The following IKZF1 variants were observed in gnomAD, a reference collection of about 807,000 sequenced individuals.
IKZF1 encodes the protein DNA-binding protein Ikaros.
IKZF1 carries 10 observed loss-of-function variants against 51.7 expected under a neutral mutation model. That is an observed-to-expected ratio of 0.19 (90% CI 0.12 to 0.33). The LOEUF (loss-of-function observed/expected upper bound fraction) is 0.33, where lower values mean the gene tolerates loss of function less well. IKZF1 is among the 10% of genes least tolerant of loss of function. The pLI is 1.00. For synonymous variants in IKZF1, 280 were observed against 282.3 expected, an observed-to-expected ratio of 0.99 and a Z score of 0.08; for missense variants, 484 against 707.5, an observed-to-expected ratio of 0.68 and a Z score of 3.58.
chr7:50,361,334 G>A (rs1339304706), intron 3 of IKZF1, among the ~76,000 whole-genome samples: 2 of 152,084 alleles, frequency 1.3e-5, no homozygotes, highest in African/African-American at 4.8e-5. Context: ...AGTGTCTTTA[G>A]AATCAGCAAA....
rs1818171365 is a variant in IKZF1 at position 50,401,782 on chromosome 7, T to C, written c.*1155T>C. 1 of 221,378 alleles carries C rather than the reference T, an allele frequency of 4.5e-6. No individual in the cohort carries two copies. The highest frequency in any genetic ancestry group is 2.2e-5 in the African/African-American group (1 of 44,714). The allele number at this position is 221,378 out of a possible 1,614,324, so 13.7% of individuals were successfully genotyped here. On this transcript the variant is annotated 3_prime_UTR_variant, in exon 8 of 8. Coordinates refer to ENST00000331340, the MANE Select transcript of IKZF1 (RefSeq NM_006060.6). Reference sequence around the variant, plus strand: ...AGGAGTGATTTAGAACAGTCATTAATTTTCAACTCAATGAAATATGTGAAG... The same window carrying C: ...AGGAGTGATTTAGAACAGTCATTAACTTTCAACTCAATGAAATATGTGAAG...
chr7:50,306,344 G>A (rs1490788985), intron 1 of IKZF1, among the ~76,000 whole-genome samples: 1 of 152,118 alleles, frequency 6.6e-6, no homozygotes, highest in Non-Finnish European at 1.5e-5. Flanking sequence ...GTCAATCAGA[G>A]CTGGTGACCA....
intron 4 of IKZF1, chr7:50,377,327 C>T (rs1250578404): frequency 6.5e-6 from 1 of 154,408 alleles, no homozygotes; most frequent in African/African-American, 2.4e-5. Flanking sequence ...ATGGCTTGCC[C>T]TCTAACAGGA....
At chr7:50,354,593 C>T (rs1802752872) in intron 3 of IKZF1, among the ~76,000 whole-genome samples, 1 of 152,112 alleles carries the variant, frequency 6.6e-6, no homozygotes, top group Non-Finnish European at 1.5e-5. Flanking sequence ...TAAGAGAGAA[C>T]AAAAAGTCAA....
At position 50,354,927 on chromosome 7, in the gene IKZF1, G is replaced by A. The variant is rs536793447; in HGVS notation, c.161-21606G>A. On this transcript the variant is annotated intron_variant, in intron 3 of 7. Coordinates refer to ENST00000331340, the MANE Select transcript of IKZF1 (RefSeq NM_006060.6). ...GACAGCATCAGTACTATGCTTCAGC[G>A]TCAAAAACGTCACTTTGGGTAGGAA... Among the ~76,000 whole-genome samples the A allele has an allele frequency of 7.2e-4, 110 of 152,214 alleles. 1 individual carries two copies. The highest frequency in any genetic ancestry group is 3.1e-3 in the Admixed American group (48 of 15,294).
chr7:50,329,617 C>T (rs1489501139), intron 3 of IKZF1, among the ~76,000 whole-genome samples: 1 of 152,196 alleles, frequency 6.6e-6, no homozygotes, highest in African/African-American at 2.4e-5. Flanking sequence ...CAGGAATAGT[C>T]ATTGGGTGGT....
chr7:50,371,527 T>G (rs1251775560), intron 3 of IKZF1, among the ~76,000 whole-genome samples: 1 of 152,234 alleles, frequency 6.6e-6, no homozygotes. Flanking sequence ...GTCACACAAC[T>G]ACAGGTGGCA....
chr7:50,390,127 G>A (rs775488169), intron 6 of IKZF1, among the ~76,000 whole-genome samples: 4 of 152,198 alleles, frequency 2.6e-5, no homozygotes, highest in Non-Finnish European at 5.9e-5. Flanking sequence ...GGAGGTGCAT[G>A]CATCTAATGA....
chr7:50,310,908 T>G (rs532723665), intron 1 of IKZF1, among the ~76,000 whole-genome samples: 11 of 152,246 alleles, frequency 7.2e-5, no homozygotes, highest in Non-Finnish European at 1.3e-4. Context: ...CCCTCGAAGG[T>G]GGGGTGATGA....
intron 7 of IKZF1, among the ~76,000 whole-genome samples, chr7:50,395,882 G>A (rs1039017753): frequency 6.6e-6 from 1 of 152,128 alleles, no homozygotes; most frequent in Non-Finnish European, 1.5e-5. Context: ...TTTCTCCCTT[G>A]AGAACTTTTT....
intron 5 of IKZF1, among the ~76,000 whole-genome samples, chr7:50,386,440 C>A (rs1156356655): frequency 6.6e-6 from 1 of 152,208 alleles, no homozygotes; most frequent in Non-Finnish European, 1.5e-5. Flanking sequence ...TATTGGACAG[C>A]ACTAATAGAG....
chr7:50,399,333 A>T (rs187395230), intron 7 of IKZF1, among the ~76,000 whole-genome samples: 3 of 152,128 alleles, frequency 2.0e-5, no homozygotes, highest in African/African-American at 7.2e-5. Flanking sequence ...GTGTCATTTT[A>T]TTACAAAAAA....
chr7:50,340,918 C>T (rs1173505508), intron 3 of IKZF1, among the ~76,000 whole-genome samples: 6 of 152,234 alleles, frequency 3.9e-5, no homozygotes, highest in East Asian at 1.9e-4. Context: ...TGCATTTACT[C>T]GCAGTTTTAA....
intron 1 of IKZF1, among the ~76,000 whole-genome samples, chr7:50,314,260 G>A (rs1415303098): frequency 6.6e-6 from 1 of 152,102 alleles, no homozygotes; most frequent in South Asian, 2.1e-4. Context: ...ACAGGCGCCC[G>A]CCACCACACC....
chr7:50,397,738 G>T (rs1055023704), intron 7 of IKZF1, among the ~76,000 whole-genome samples: 2 of 152,148 alleles, frequency 1.3e-5, no homozygotes, highest in African/African-American at 4.8e-5. Flanking sequence ...TTTCAGCAGT[G>T]CTATACAATT....
At chr7:50,382,128 A>T (rs1812012353) in intron 4 of IKZF1, among the ~76,000 whole-genome samples, 1 of 152,158 alleles carries the variant, frequency 6.6e-6, no homozygotes, top group African/African-American at 2.4e-5. Flanking sequence ...TTTCCTTTTT[A>T]TTTTGCTGCT....
At chr7:50,368,029 A>G in intron 3 of IKZF1, 1 of 701,504 alleles carries the variant, frequency 1.4e-6, no homozygotes, top group East Asian at 2.7e-5. Flanking sequence ...TGATGACTTT[A>G]GGGATTTCCA....
At chr7:50,362,839 G>T (rs1204989054) in intron 3 of IKZF1, among the ~76,000 whole-genome samples, 1 of 152,084 alleles carries the variant, frequency 6.6e-6, no homozygotes, top group Non-Finnish European at 1.5e-5. Context: ...ATTGAGAGGG[G>T]TGCCTGAAAG....
chr7:50,322,458 C>A (rs1793642796), intron 2 of IKZF1, among the ~76,000 whole-genome samples: 1 of 152,154 alleles, frequency 6.6e-6, no homozygotes, highest in African/African-American at 2.4e-5. Flanking sequence ...GTGGGCTATA[C>A]CCTGGTTTAC....
Sources: allele counts gnomAD v4.1 joint callset (sites outside exome capture counted in the v4.1 genomes callset), GRCh38; gene constraint gnomAD v4.1.1; transcripts MANE v1.5; gene names NCBI Gene and HGNC (gene_info 2026-07-23, HGNC 2026-07-21).